Variants in THSD4 observed in about 807,000 individuals in gnomAD.
THSD4 encodes the protein thrombospondin type 1 domain containing 4, also known as thrombospondin type-1 domain-containing protein 4.
THSD4 carries 69 observed loss-of-function variants against 119.0 expected under a neutral mutation model. The ratio of observed to expected loss-of-function variants is 0.58; its 90% CI spans 0.48 to 0.71. THSD4 has a LOEUF of 0.71. THSD4 is among the 30% of genes least tolerant of loss of function. The pLI is 0.00. For missense variants in THSD4, 1,393 were observed against 1,391.1 expected (o/e 1.00, Z -0.02); for synonymous variants, 524 against 540.4 (o/e 0.97, Z 0.42).
At chr15:71,484,418 T>C (rs1366895968) in intron 7 of THSD4, among the ~76,000 whole-genome samples, 1 of 152,222 alleles carries the variant, frequency 6.6e-6, no homozygotes. Flanking sequence ...ATTCCAAACT[T>C]AAATTTGAAG....
At chr15:71,669,159 A>C (rs887062493) in intron 8 of THSD4, among the ~76,000 whole-genome samples, 4 of 152,186 alleles carry the variant, frequency 2.6e-5, no homozygotes, top group Non-Finnish European at 5.9e-5. Context: ...CACCGTTACC[A>C]AAACTAAATA....
chr15:71,111,821 G>A (rs1348055168), upstream of THSD4: 4 of 524,076 alleles, frequency 7.6e-6, no homozygotes, highest in South Asian at 3.3e-5. Context: ...ATGAAAACAC[G>A]AGGTTTGTAA....
intron 6 of THSD4, among the ~76,000 whole-genome samples, chr15:71,389,807 G>GTTTT (rs1237701264): frequency 1.3e-3 from 59 of 46,218 alleles, no homozygotes; most frequent in Non-Finnish European, 1.9e-3. Flanking sequence ...TATTTTCTGG[G>GTTTT]TTGTTTTTTT....
intron 7 of THSD4, among the ~76,000 whole-genome samples, chr15:71,456,920 G>A (rs1471497424): frequency 6.6e-6 from 1 of 152,010 alleles, no homozygotes; most frequent in Non-Finnish European, 1.5e-5. Flanking sequence ...AATATCTTAG[G>A]GCCATGGATG....
At chr15:71,135,230 G>T (rs1311121950) in intron 1 of THSD4, among the ~76,000 whole-genome samples, 3 of 108,908 alleles carry the variant, frequency 2.8e-5, no homozygotes, top group Non-Finnish European at 5.6e-5. Flanking sequence ...GGTGGGGGTA[G>T]GGGGGAGGGG....
intron 11 of THSD4, among the ~76,000 whole-genome samples, chr15:71,742,167 A>C (rs1234244126): frequency 2.0e-5 from 3 of 152,182 alleles, no homozygotes; most frequent in African/African-American, 7.2e-5. Flanking sequence ...ACCCTTCTCC[A>C]GTCCTCCCTG....
intron 7 of THSD4, among the ~76,000 whole-genome samples, chr15:71,602,446 AG>A (rs149898063): frequency 0.03 from 4,440 of 147,398 alleles, 194 homozygotes; most frequent in African/African-American, 0.1. Context: ...CCAGCTACTC[AG>A]GAGGCTGAGG....
chr15:71,241,646 G>A (rs1488229925), intron 4 of THSD4, among the ~76,000 whole-genome samples: 1 of 152,144 alleles, frequency 6.6e-6, no homozygotes, highest in Non-Finnish European at 1.5e-5. Context: ...TCTTCACATT[G>A]GTAGCTTGAT....
intron 7 of THSD4, among the ~76,000 whole-genome samples, chr15:71,443,061 G>A (rs1461374242): frequency 6.6e-6 from 1 of 152,078 alleles, no homozygotes; most frequent in African/African-American, 2.4e-5. Flanking sequence ...AAATACAAGA[G>A]AAAGGGGGAG....
At chr15:71,402,717 G>A (rs573777499) in intron 6 of THSD4, among the ~76,000 whole-genome samples, 52 of 152,262 alleles carry the variant, frequency 3.4e-4, no homozygotes, top group African/African-American at 9.9e-4. Flanking sequence ...CAGGCACAGC[G>A]CAAGCTCCAG....
intron 7 of THSD4, among the ~76,000 whole-genome samples, chr15:71,558,452 A>G (rs2049057055): frequency 6.6e-6 from 1 of 152,246 alleles, no homozygotes; most frequent in Middle Eastern, 3.4e-3. Context: ...AAGTTTTGAT[A>G]TACAGTATTT....
intron 8 of THSD4, among the ~76,000 whole-genome samples, chr15:71,684,279 C>G (rs1233980363): frequency 6.6e-6 from 1 of 151,888 alleles, no homozygotes; most frequent in African/African-American, 2.4e-5. Context: ...TGAGTTGATT[C>G]TCATCGTTTT....
intron 4 of THSD4, among the ~76,000 whole-genome samples, chr15:71,223,219 G>A (rs914074357): frequency 2.0e-5 from 3 of 152,150 alleles, no homozygotes; most frequent in African/African-American, 7.2e-5. Flanking sequence ...TCTCCTTCAA[G>A]GTCACGCAGA....
chr15:71,653,690 G>T (rs2051136189), intron 7 of THSD4, among the ~76,000 whole-genome samples: 1 of 152,218 alleles, frequency 6.6e-6, no homozygotes, highest in Non-Finnish European at 1.5e-5. Flanking sequence ...AACCAAAGCA[G>T]TTCTGCTCTT....
intron 4 of THSD4, among the ~76,000 whole-genome samples, chr15:71,223,160 G>A (rs950540547): frequency 6.6e-6 from 1 of 152,152 alleles, no homozygotes; most frequent in South Asian, 2.1e-4. Context: ...TGACAGATGC[G>A]TGGTGTTCTC....
At position 71,545,807 on chromosome 15, in the gene THSD4, A is replaced by T. The variant is rs149966960; in HGVS notation, c.1153-114723A>T. The stretch of plus-strand genomic sequence containing the variant: ...TCTTACAGCCCTGTAAAAAGGAATG[A>T]AAGTTCTTCCCTCCCTGTCCCCCAC... On this transcript the variant is annotated intron_variant, in intron 7 of 17. Coordinates refer to ENST00000261862, the MANE Select transcript of THSD4 (RefSeq NM_024817.3). Among the ~76,000 whole-genome samples the T allele has an allele frequency of 4.6e-5, 7 of 152,294 alleles. No homozygotes were observed. In the East Asian group the frequency reaches 1.3e-3, roughly 29 times the overall value.
intron 7 of THSD4, among the ~76,000 whole-genome samples, chr15:71,556,483 A>C (rs759330885): frequency 1.3e-5 from 2 of 152,122 alleles, no homozygotes; most frequent in Admixed American, 6.6e-5. Context: ...ATGGTGGCTC[A>C]TGTTTGTAAT....
At chr15:71,247,802 A>C (rs138004941) in intron 5 of THSD4, among the ~76,000 whole-genome samples, 1 of 152,372 alleles carries the variant, frequency 6.6e-6, no homozygotes, top group Non-Finnish European at 1.5e-5. Context: ...GGCTAAAAGT[A>C]ATAGGAACTC....
chr15:71,701,720 A>C (rs1039014950), intron 8 of THSD4, among the ~76,000 whole-genome samples: 11 of 152,154 alleles, frequency 7.2e-5, no homozygotes, highest in Admixed American at 7.2e-4. Flanking sequence ...ATACATGTGA[A>C]CTTTTATATA....
Sources: gnomAD v4.1 joint callset for allele counts (sites outside exome capture counted in the v4.1 genomes callset) on GRCh38, gnomAD v4.1.1 for gene constraint, MANE v1.5 for transcripts, NCBI Gene and HGNC (gene_info 2026-07-23, HGNC 2026-07-21) for gene names.